XKR6: variants seen among roughly 807,000 people sequenced by gnomAD.
XKR6 encodes XK-related protein 6.
A neutral mutation model predicts 56.7 loss-of-function variants in XKR6; 22 were observed. That is an observed-to-expected ratio of 0.39 (90% CI 0.28 to 0.55). The LOEUF is 0.55. XKR6 is among the 20% of genes least tolerant of loss of function. The probability of loss-of-function intolerance (pLI) is 0.66; values close to 1 mark genes in which losing one functional copy is unlikely to be tolerated. For synonymous variants in XKR6, 524 were observed against 387.8 expected, an observed-to-expected ratio of 1.35 and a Z score of -4.13; for missense variants, 852 against 889.0, an observed-to-expected ratio of 0.96 and a Z score of 0.53.
At chr8:11,183,048 C>T (rs1253268631) in intron 1 of XKR6, among the ~76,000 whole-genome samples, 1 of 152,142 alleles carries the variant, frequency 6.6e-6, no homozygotes, top group Non-Finnish European at 1.5e-5. Context: ...GTTAGAATTG[C>T]CTTTTTTTTG....
At chr8:11,099,480 G>A (rs1405614406) in intron 1 of XKR6, among the ~76,000 whole-genome samples, 3 of 152,242 alleles carry the variant, frequency 2.0e-5, no homozygotes, top group Non-Finnish European at 4.4e-5. Context: ...TGGCACTGCT[G>A]GGCAGGGCAG....
intron 1 of XKR6, among the ~76,000 whole-genome samples, chr8:11,086,240 T>A (rs1797887126): frequency 6.6e-6 from 1 of 152,030 alleles, no homozygotes; most frequent in South Asian, 2.1e-4. Flanking sequence ...GTTGCTTAAA[T>A]GTAAATTAGT....
chr8:10,924,582 C>A (rs1031039807), intron 2 of XKR6, 52 bp downstream of exon 2: 21 of 1,562,040 alleles, frequency 1.3e-5, no homozygotes, highest in Middle Eastern at 2.3e-4. Context: ...CGGCCGTGGT[C>A]CCCAGGTGGA....
At chr8:11,039,953 G>T (rs57881531) in intron 1 of XKR6, among the ~76,000 whole-genome samples, 15,203 of 152,242 alleles carry the variant, frequency 0.1, 839 homozygotes, top group African/African-American at 0.15. Flanking sequence ...AACTGCTAAG[G>T]TGCTGAATTA....
intron 1 of XKR6, among the ~76,000 whole-genome samples, chr8:11,166,787 G>A (rs1374623746): frequency 6.6e-6 from 1 of 152,054 alleles, no homozygotes; most frequent in Non-Finnish European, 1.5e-5. Flanking sequence ...TGGCCAGGCT[G>A]GTCTGGAACT....
rs145352954 is a variant in XKR6, at chr8:11,201,298, G to T, written c.42C>A (p.Phe14Leu). 3 of 1,507,332 alleles carry T rather than the reference G, an allele frequency of 2.0e-6. No homozygotes were observed. The highest frequency in any genetic ancestry group is 2.7e-6 in the Non-Finnish European group (3 of 1,128,956). The allele number at this position is 1,507,332 out of a possible 1,614,324, so 93.4% of individuals were successfully genotyped here. ...KSDGGGVGVG[F>L]AQLHNLDEAV... is the part of the protein sequence containing the mutation. ...CCTCGTCCAGGTTGTGCAGCTGAGC[G>T]AAGCCCACCCCCACGCCACCGCCAT... Residue 14 changes from phenylalanine to leucine, a missense_variant, in exon 1 of 3, where the codon TTC (phenylalanine) becomes TTA (leucine). Transcript: ENST00000416569.
At chr8:11,005,807 T>C (rs989489119) in intron 1 of XKR6, among the ~76,000 whole-genome samples, 1 of 151,624 alleles carries the variant, frequency 6.6e-6, no homozygotes, top group Non-Finnish European at 1.5e-5. Context: ...GTTTGTATGA[T>C]AGACATATAT....
Position 11,114,725 on chromosome 8 carries a change from A to ATGTG in XKR6, c.764+85850_764+85851insCACA, listed in dbSNP as rs1491486493. Among the ~76,000 whole-genome samples, 546 of 77,684 alleles carry ATGTG rather than the reference A, an allele frequency of 7.0e-3. 8 individuals are homozygous for ATGTG. Among genetic ancestry groups the ATGTG allele is most frequent in the African/African-American group, 0.025 (446 of 17,664 alleles). 51.0% of individuals were successfully genotyped at this position (77,684 alleles called of 152,430 possible). ...TAATGAAGTCAGCTACTTAGATCAC[A>ATGTG]TATGTGTGTGTGTGTGTGTGTGTGT... On this transcript the variant is annotated intron_variant, in intron 1 of 2. Transcript: ENST00000416569.
chr8:10,967,478 T>A (rs1319040865), intron 1 of XKR6, among the ~76,000 whole-genome samples: 1 of 152,180 alleles, frequency 6.6e-6, no homozygotes, highest in African/African-American at 2.4e-5. Flanking sequence ...CCGAAGAGGC[T>A]GTACAGGAGC....
intron 1 of XKR6, among the ~76,000 whole-genome samples, chr8:11,131,229 C>T (rs972465784): frequency 2.6e-5 from 4 of 152,054 alleles, no homozygotes; most frequent in African/African-American, 9.7e-5. Context: ...CAGGCTTTTT[C>T]TTTATTTGTT....
chr8:10,901,464 C>T (rs568621425), intron 2 of XKR6, among the ~76,000 whole-genome samples: 6 of 152,280 alleles, frequency 3.9e-5, no homozygotes, highest in African/African-American at 4.8e-5. Flanking sequence ...TGAGTCACCA[C>T]GCCTTGCTGA....
intron 1 of XKR6, among the ~76,000 whole-genome samples, chr8:11,184,244 G>A (rs1803147556): frequency 6.6e-6 from 1 of 152,144 alleles, no homozygotes; most frequent in Admixed American, 6.5e-5. Context: ...ACAGGTCACA[G>A]ATTTTGGCTT....
At chr8:11,048,649 T>A (rs988210911) in intron 1 of XKR6, among the ~76,000 whole-genome samples, 11 of 152,136 alleles carry the variant, frequency 7.2e-5, no homozygotes, top group African/African-American at 2.7e-4. Flanking sequence ...CAGGGGTCTC[T>A]ACAAATGAAG....
chr8:10,964,074 C>T (rs1802141690), intron 1 of XKR6, among the ~76,000 whole-genome samples: 3 of 152,224 alleles, frequency 2.0e-5, no homozygotes, highest in South Asian at 4.1e-4. Flanking sequence ...GTACCTACCA[C>T]TCAAGATCTT....
At chr8:11,036,150 G>A (rs899465402) in intron 1 of XKR6, among the ~76,000 whole-genome samples, 16 of 151,882 alleles carry the variant, frequency 1.1e-4, no homozygotes, top group African/African-American at 3.9e-4. Context: ...GTCTCACTGT[G>A]TTGCCTAGGT....
chr8:11,160,244 G>A (rs925948963), intron 1 of XKR6, among the ~76,000 whole-genome samples: 3 of 152,094 alleles, frequency 2.0e-5, no homozygotes, highest in Non-Finnish European at 4.4e-5. Flanking sequence ...GATAAGTAGG[G>A]ATTTTCTGTT....
chr8:11,101,442 C>G (rs941342024), intron 1 of XKR6, among the ~76,000 whole-genome samples: 1 of 151,930 alleles, frequency 6.6e-6, no homozygotes, highest in African/African-American at 2.4e-5. Context: ...GAATTTTGTT[C>G]TGTTCATTTT....
rs1009517481 is a variant in XKR6 at position 11,200,509 on chromosome 8, C to G, written c.764+67G>C. 6.9e-5 allele frequency: 95 copies of G among 1,379,604 alleles called. No homozygotes were observed. In the South Asian group the frequency reaches 8.6e-4, roughly 12 times the overall value. 85.5% of individuals were successfully genotyped at this position (1,379,604 alleles called of 1,614,324 possible). On this transcript the variant is annotated intron_variant, in intron 1 of 2. Transcript: ENST00000416569. This position sits in a 1 kb window ranked among gnomAD's most constrained non-coding sequence, Gnocchi z 6.4. ...TGGGCCCTTTCGAGGGGCCGCCCCG[C>G]GAAGCACCGGGAGGGCGGAGGGGGG...
rs570103523 is a variant in XKR6, at chr8:10,986,937, AT to A, written c.765-62108del. Among the ~76,000 whole-genome samples the A allele has an allele frequency of 8.9e-3, 1,302 of 146,380 alleles. 10 individuals carry two copies. The highest frequency in any genetic ancestry group is 0.018 in the Middle Eastern group (5 of 276). On this transcript the variant is annotated intron_variant, in intron 1 of 2. Coordinates refer to ENST00000416569, the MANE Select transcript of XKR6 (RefSeq NM_173683.4). ...AGGTGTGCACTACCATGCCTGGCCA[AT>A]TTTTTTTTTTTAACATTTAAATAGT...
Sources: allele counts gnomAD v4.1 joint callset (sites outside exome capture counted in the v4.1 genomes callset), GRCh38; gene constraint gnomAD v4.1.1; non-coding constraint Gnocchi (gnomAD v3.1); transcripts MANE v1.5; gene names NCBI Gene and HGNC (gene_info 2026-07-23, HGNC 2026-07-21).